The following LUC7L2 variants were observed in gnomAD, a reference collection of about 807,000 sequenced individuals.
The protein encoded by LUC7L2 is putative RNA-binding protein Luc7-like 2.
Under a neutral mutation model 52.8 loss-of-function variants are expected in LUC7L2, and 25 were observed. The ratio of observed to expected loss-of-function variants is 0.47; its 90% CI spans 0.34 to 0.66. The LOEUF (loss-of-function observed/expected upper bound fraction) is 0.66. Among genes scored for constraint, LUC7L2 ranks in the 30% least tolerant of loss-of-function variants. The pLI is 0.01. For synonymous variants in LUC7L2, 144 were observed against 160.9 expected (o/e 0.89, Z 0.80); for missense variants, 328 against 497.8 (o/e 0.66, Z 3.25).
At chr7:139,387,856 G>A (rs983958664) in intron 2 of LUC7L2, among the ~76,000 whole-genome samples, 3 of 152,068 alleles carry the variant, frequency 2.0e-5, no homozygotes, top group Non-Finnish European at 4.4e-5. Context: ...GGCCTCAAGT[G>A]ATCCTCCTGC....
intron 1 of LUC7L2, 184 bp from the exon 2 acceptor site, chr7:139,375,878 C>A: frequency 1.7e-6 from 1 of 580,758 alleles, no homozygotes; most frequent in Non-Finnish European, 2.9e-6. Flanking sequence ...ATGCAGTACA[C>A]TTACTGCAAC....
chr7:139,422,852 T>C lies in LUC7L2; in HGVS notation c.*512T>C. 1 of 399,116 alleles carries C rather than the reference T, an allele frequency of 2.5e-6. No individual in the cohort carries two copies. Among genetic ancestry groups the C allele is most frequent in the Non-Finnish European group, 4.4e-6 (1 of 226,126 alleles). The allele number at this position is 399,116 out of a possible 1,614,324, so 24.7% of individuals were successfully genotyped here. A position where few individuals can be genotyped will look rare whatever the true frequency, so the allele number is the denominator to read the frequency against. On this transcript the variant is annotated 3_prime_UTR_variant, in exon 10 of 10. Coordinates refer to ENST00000354926, the MANE Select transcript of LUC7L2 (RefSeq NM_016019.5). ...TACTAGCTGATTACAGTTCAGAGCA[T>C]TGATCCTGGAATGTGTGCTGGAGAA...
At chr7:139,363,976 CTTTTTTTT>C (rs1169793101) in intron 1 of LUC7L2, among the ~76,000 whole-genome samples, 26 of 96,098 alleles carry the variant, frequency 2.7e-4, no homozygotes, top group African/African-American at 1.0e-3. Flanking sequence ...AGATTACATC[CTTTTTTTT>C]TTTTTTTTTT....
intron 1 of LUC7L2, among the ~76,000 whole-genome samples, chr7:139,351,186 C>T (rs1421806909): frequency 1.3e-5 from 2 of 152,166 alleles, no homozygotes; most frequent in Non-Finnish European, 1.5e-5. Context: ...TGCTGAAGAC[C>T]TGTATGTCCA....
At position 139,359,939 on chromosome 7, in the gene LUC7L2, G is replaced by C. The variant is rs558004799; in HGVS notation, c.-323G>C. 2.6e-5 allele frequency: 11 copies of C among 420,814 alleles called. No individual in the cohort carries two copies. Among genetic ancestry groups the C allele is most frequent in the East Asian group, 7.1e-5 (2 of 28,084 alleles). 26.1% of individuals were successfully genotyped at this position (420,814 alleles called of 1,614,324 possible). Reference sequence around the variant, plus strand: ...GGCGGCGAGCGGCGTCAGAGCTTGAGGGGGGGTTGACGGCTTCTGGCGGGT... The same window carrying C: ...GGCGGCGAGCGGCGTCAGAGCTTGACGGGGGGTTGACGGCTTCTGGCGGGT... On this transcript the variant is annotated 5_prime_UTR_variant, in exon 1 of 10. Coordinates refer to ENST00000354926, the MANE Select transcript of LUC7L2 (RefSeq NM_016019.5).
At chr7:139,351,199 G>A (rs1361489222) in intron 1 of LUC7L2, among the ~76,000 whole-genome samples, 4 of 152,038 alleles carry the variant, frequency 2.6e-5, no homozygotes, top group Non-Finnish European at 4.4e-5. Flanking sequence ...TATGTCCAAC[G>A]GCCTGGAGGA....
chr7:139,402,688 A>AATTTTTTTT (rs1472539921), intron 4 of LUC7L2, among the ~76,000 whole-genome samples: 1 of 152,040 alleles, frequency 6.6e-6, no homozygotes, highest in African/African-American at 2.4e-5. Context: ...AGGCCCAGCT[A>AATTTTTTTT]ATTTTTTTTA....
At position 139,398,621 on chromosome 7, in the gene LUC7L2, T is replaced by C; in HGVS notation, c.179T>C (p.Leu60Pro). 3 of 1,611,372 alleles carry C rather than the reference T, an allele frequency of 1.9e-6. No individual in the cohort carries two copies. The highest frequency in any genetic ancestry group is 2.5e-6 in the Non-Finnish European group (3 of 1,179,246). Residue 60 changes from leucine to proline, a missense_variant, in exon 3 of 10, where the codon CTG (leucine) becomes CCG (proline). Around this residue, in one of 2 missense-constraint regions of LUC7L2, gnomAD observed 133 missense variants for 274.4 expected, o/e 0.48. Coordinates refer to ENST00000354926, the MANE Select transcript of LUC7L2 (RefSeq NM_016019.5). ...CAGAGAATGGATCTTGGAGAATGTC[T>C]GAAAGTCCATGACCTGGCTTTAAGA... is the stretch of plus-strand genomic sequence containing the variant. ...SGTRMDLGEC[L>P]KVHDLALRAD...
chr7:139,350,723 TG>T (rs1395667235), intron 1 of LUC7L2, among the ~76,000 whole-genome samples: 11 of 151,750 alleles, frequency 7.2e-5, no homozygotes, highest in Admixed American at 5.9e-4. Flanking sequence ...GTTGCCAGGC[TG>T]GAGTGCAGTG....
intron 1 of LUC7L2, chr7:139,375,392 A>G: frequency 1.0e-6 from 1 of 985,446 alleles, no homozygotes; most frequent in Non-Finnish European, 1.2e-6. Flanking sequence ...CTTTGGACGC[A>G]TTAAAGTTAA....
chr7:139,364,702 CTG>C (rs1800062237), intron 1 of LUC7L2, among the ~76,000 whole-genome samples: 1 of 152,304 alleles, frequency 6.6e-6, no homozygotes, highest in South Asian at 2.1e-4. Flanking sequence ...ACCGTGTAAT[CTG>C]TAAGATAGTA....
intron 8 of LUC7L2, 30 bp from the exon 9 acceptor site, chr7:139,417,508 G>T (rs776772135): frequency 1.3e-5 from 21 of 1,600,764 alleles, no homozygotes; most frequent in Non-Finnish European, 1.5e-5. Flanking sequence ...AATTACAAAG[G>T]TAGAAACAAA....
chr7:139,396,184 T>C (rs1794657068), intron 2 of LUC7L2, among the ~76,000 whole-genome samples: 1 of 152,156 alleles, frequency 6.6e-6, no homozygotes, highest in Non-Finnish European at 1.5e-5. Flanking sequence ...CTCATACCTG[T>C]AATCCAGCAT....
chr7:139,374,479 A>T (rs1800609119), intron 1 of LUC7L2: 1 of 1,550,818 alleles, frequency 6.4e-7, no homozygotes. Context: ...GCCGTGAGTT[A>T]TCGCTAACTT....
At chr7:139,380,401 C>A (rs6953954) in intron 2 of LUC7L2, among the ~76,000 whole-genome samples, 4 of 151,678 alleles carry the variant, frequency 2.6e-5, no homozygotes, top group African/African-American at 9.7e-5. Flanking sequence ...AGTTCGAGAC[C>A]AGCCTGGCCA....
intron 2 of LUC7L2, 89 bp from the exon 3 acceptor site, chr7:139,398,510 A>T: frequency 1.0e-6 from 1 of 1,004,628 alleles, no homozygotes; most frequent in Non-Finnish European, 1.4e-6. Context: ...TGTATGACTT[A>T]ATATGTATTC....
At chr7:139,363,876 C>T (rs530444906) in intron 1 of LUC7L2, among the ~76,000 whole-genome samples, 2 of 150,968 alleles carry the variant, frequency 1.3e-5, no homozygotes, top group East Asian at 3.9e-4. Context: ...CCAACAAACA[C>T]AGTTTGGTCA....
chr7:139,416,464 T>C (rs1795625842), intron 8 of LUC7L2: 1 of 152,206 alleles, frequency 6.6e-6, no homozygotes, highest in Non-Finnish European at 1.5e-5. Context: ...TTTTTTGCAA[T>C]CTGAGTCAAG....
At chr7:139,411,545 C>G (rs1158969664) in intron 7 of LUC7L2, among the ~76,000 whole-genome samples, 1 of 152,026 alleles carries the variant, frequency 6.6e-6, no homozygotes, top group African/African-American at 2.4e-5. Flanking sequence ...GTCACACAGA[C>G]AGTGAATGGT....
Sources: gnomAD v4.1 joint callset for allele counts (sites outside exome capture counted in the v4.1 genomes callset) on GRCh38, gnomAD v4.1.1 for gene constraint, gnomAD v4.1.1 regional missense constraint, MANE v1.5 for transcripts, NCBI Gene and HGNC (gene_info 2026-07-23, HGNC 2026-07-21) for gene names.